The following KCNE2 variants were observed in gnomAD, a reference collection of about 807,000 sequenced individuals.
KCNE2 encodes the protein potassium voltage-gated channel subfamily E regulatory subunit 2.
In KCNE2, 4 loss-of-function variants were observed where a neutral mutation model predicts 4.5. The observed-to-expected ratio is 0.89, with a 90% CI of 0.44 to 2.03. The LOEUF is 2.03. Ranked by LOEUF, KCNE2 falls within the 30% of genes most tolerant of loss-of-function variation. KCNE2 has a pLI of 0.03. For missense variants in KCNE2, 137 were observed against 151.4 expected, an observed-to-expected ratio of 0.90 and a Z score of 0.50; for synonymous variants, 57 against 55.9, an observed-to-expected ratio of 1.02 and a Z score of -0.09.
At position 34,370,688 on chromosome 21, in the gene KCNE2, C is replaced by T; in HGVS notation, c.210C>T (p.Ser70=). The T allele has an allele frequency of 6.2e-7, 1 of 1,614,186 alleles. No homozygotes were observed. Among genetic ancestry groups the T allele is most frequent in the Non-Finnish European group, 8.5e-7 (1 of 1,180,022 alleles). The part of the protein sequence containing the change: ...FSFIIVAILV[S]TVKSKRREHS... ...TCATCATCGTGGCCATCCTGGTGAGCACTGTGAAATCCAAGAGACGGGAAC... is the reference window on the plus strand; with the variant it reads ...TCATCATCGTGGCCATCCTGGTGAGTACTGTGAAATCCAAGAGACGGGAAC... Residue 70 remains serine (S), a synonymous_variant, in exon 2 of 2, where the codon AGC becomes AGT. Transcript: ENST00000290310.
intron 1 of KCNE2, among the ~76,000 whole-genome samples, chr21:34,367,473 G>A: frequency 6.6e-6 from 1 of 152,236 alleles, no homozygotes; most frequent in East Asian, 1.9e-4. Flanking sequence ...ATACCCTGGG[G>A]CAATCTTATC....
At chr21:34,369,082 G>C (rs1979468613) in intron 1 of KCNE2, among the ~76,000 whole-genome samples, 1 of 152,168 alleles carries the variant, frequency 6.6e-6, no homozygotes. Flanking sequence ...TACTGACAGG[G>C]AGGGAAGATG....
chr21:34,370,176 A>G (rs1979513957), intron 1 of KCNE2, among the ~76,000 whole-genome samples: 1 of 152,246 alleles, frequency 6.6e-6, no homozygotes, highest in Non-Finnish European at 1.5e-5. Context: ...CTCCATTTTC[A>G]TATGTACACA....
intron 1 of KCNE2, among the ~76,000 whole-genome samples, chr21:34,366,948 C>T (rs1869597830): frequency 8.2e-6 from 1 of 121,734 alleles, no homozygotes; most frequent in Non-Finnish European, 1.6e-5. Context: ...CACTGCACTC[C>T]AGCCTGGGCA....
Position 34,370,566 on chromosome 21 carries a change from A to C in KCNE2, c.88A>C (p.Thr30Pro), listed in dbSNP as rs1307670975. 1 of 1,614,184 alleles carries C rather than the reference A, an allele frequency of 6.2e-7. No individual in the cohort carries two copies. The highest frequency in any genetic ancestry group is 1.1e-5 in the South Asian group (1 of 91,078). Residue 30 changes from threonine (T) to proline (P), a missense_variant, in exon 2 of 2, where the codon ACA (threonine) becomes CCA (proline). Thr to Pro is a conservative substitution (Grantham distance 38). Coordinates refer to ENST00000290310, the MANE Select transcript of KCNE2 (RefSeq NM_172201.2). ...ITYMDNWRQN[T>P]TAEQEALQAK... ...TTATATGGACAATTGGCGCCAGAAC[A>C]CAACAGCTGAGCAAGAGGCCCTCCA...
rs2123423704 is a variant in KCNE2, at chr21:34,370,584, G to A, written c.106G>A (p.Ala36Thr). The A allele has an allele frequency of 6.2e-7, 1 of 1,614,144 alleles. No homozygotes were observed. Among genetic ancestry groups the A allele is most frequent in the African/African-American group, 1.3e-5 (1 of 75,030 alleles). The change falls in exon 2 of 2, where the codon GCC becomes ACC. Residue 36 changes from alanine (A) to threonine (T), a missense_variant. By Grantham distance (58) the Ala-to-Thr change is moderately conservative (BLOSUM62 0). Coordinates refer to ENST00000290310, the MANE Select transcript of KCNE2 (RefSeq NM_172201.2). ...WRQNTTAEQEALQAKVDAENF... is the reference protein window; with the variant it reads ...WRQNTTAEQETLQAKVDAENF... ...CCAGAACACAACAGCTGAGCAAGAG[G>A]CCCTCCAAGCCAAAGTTGATGCTGA...
intron 1 of KCNE2, among the ~76,000 whole-genome samples, chr21:34,369,199 G>C (rs1042201979): frequency 6.6e-6 from 1 of 152,126 alleles, no homozygotes; most frequent in Non-Finnish European, 1.5e-5. Flanking sequence ...TTGATTTTAA[G>C]AACAACCATC....
intron 1 of KCNE2, among the ~76,000 whole-genome samples, chr21:34,368,229 A>AATATATATATAT (rs10596236): frequency 0.013 from 1,070 of 84,584 alleles, 15 homozygotes; most frequent in East Asian, 0.026. Flanking sequence ...ACACACACAC[A>AATATATATATAT]ATATATATAT....
intron 1 of KCNE2, among the ~76,000 whole-genome samples, chr21:34,366,746 A>G (rs982246850): frequency 1.7e-4 from 25 of 150,896 alleles, no homozygotes; most frequent in East Asian, 1.0e-3. Flanking sequence ...TTGGGAGGCC[A>G]AGGTGGGCGG....
Position 34,370,734 on chromosome 21 carries a change from C to A in KCNE2, c.256C>A (p.Gln86Lys). 1 of 1,614,164 alleles carries A rather than the reference C, an allele frequency of 6.2e-7. No homozygotes were observed. The highest frequency in any genetic ancestry group is 8.5e-7 in the Non-Finnish European group (1 of 1,180,030). The change falls in exon 2 of 2, where the codon CAG (glutamine) becomes AAG (lysine). Residue 86 changes from glutamine (Q) to lysine (K), a missense_variant. Gln to Lys is a moderately conservative substitution (Grantham distance 53). Coordinates refer to ENST00000290310, the MANE Select transcript of KCNE2 (RefSeq NM_172201.2). ...RREHSNDPYH[Q>K]YIVEDWQEKY... ...GGAACACTCCAATGACCCCTACCAC[C>A]AGTACATTGTAGAGGACTGGCAGGA...
At chr21:34,367,334 G>C (rs796990342) in intron 1 of KCNE2, among the ~76,000 whole-genome samples, 2 of 151,906 alleles carry the variant, frequency 1.3e-5, no homozygotes, top group Non-Finnish European at 2.9e-5. Context: ...AAAATAAAAG[G>C]GTAAAAGAGC....
rs910713308 is a variant in KCNE2 at position 34,366,851 on chromosome 21, T to C, written c.-13+2700T>C. Among the ~76,000 whole-genome samples the C allele has an allele frequency of 3.0e-4, 45 of 149,202 alleles. No homozygotes were observed. In the East Asian group the frequency reaches 4.1e-3, roughly 14 times the overall value. ...AAAATTAGCCGGGCTTCGTGGCGGG[T>C]GCCTGTAGACCCAGCTACTCAGGAG... On this transcript the variant is annotated intron_variant, in intron 1 of 1. Coordinates refer to ENST00000290310, the MANE Select transcript of KCNE2 (RefSeq NM_172201.2).
intron 1 of KCNE2, among the ~76,000 whole-genome samples, chr21:34,367,541 G>T (rs753518678): frequency 2.6e-5 from 4 of 152,176 alleles, no homozygotes; most frequent in Non-Finnish European, 5.9e-5. Context: ...GGGAGACAAA[G>T]ATCTTAGAGC....
Position 34,370,972 on chromosome 21 carries a change from T to G in KCNE2, c.*122T>G, listed in dbSNP as rs1979567553. On this transcript the variant is annotated 3_prime_UTR_variant, in exon 2 of 2. Transcript: ENST00000290310. ...TGAGTTCCTTGCTCTCTGTTGAGAA[T>G]TTTCATGGAGATTATGTGGTTGGCC... 8 of 1,250,094 alleles carry G rather than the reference T, an allele frequency of 6.4e-6. No homozygotes were observed. Among genetic ancestry groups the G allele is most frequent in the Admixed American group, 3.8e-5 (2 of 52,086 alleles). 77.4% of individuals were successfully genotyped at this position (1,250,094 alleles called of 1,614,324 possible).
chr21:34,366,775 C>G (rs548171536), intron 1 of KCNE2, among the ~76,000 whole-genome samples: 10 of 151,032 alleles, frequency 6.6e-5, no homozygotes, highest in Admixed American at 1.3e-4. Context: ...GTCAGGAGAT[C>G]GAGACCATCC....
chr21:34,368,250 A>G (rs1257955912), intron 1 of KCNE2, among the ~76,000 whole-genome samples: 1 of 103,998 alleles, frequency 9.6e-6, no homozygotes, highest in Admixed American at 9.3e-5. Context: ...ATATATATAT[A>G]TATATATATA....
At chr21:34,364,729 C>T (rs934279972) in intron 1 of KCNE2, among the ~76,000 whole-genome samples, 21 of 150,988 alleles carry the variant, frequency 1.4e-4, no homozygotes, top group African/African-American at 1.7e-4. Context: ...GCCGAGATCA[C>T]GCCACTGCAC....
chr21:34,368,223 ACACACAATAT>A (rs1374736363), intron 1 of KCNE2, among the ~76,000 whole-genome samples: 9 of 79,674 alleles, frequency 1.1e-4, no homozygotes, highest in African/African-American at 1.7e-4. Context: ...ACACACACAC[ACACACAATAT>A]ATATATATAT....
intron 1 of KCNE2, among the ~76,000 whole-genome samples, chr21:34,366,468 T>C (rs1242603741): frequency 6.6e-6 from 1 of 151,784 alleles, no homozygotes; most frequent in Admixed American, 6.6e-5. Context: ...ATTCACACCT[T>C]CATTCAACAG....
Sources: gnomAD v4.1 joint callset for allele counts (sites outside exome capture counted in the v4.1 genomes callset) on GRCh38, gnomAD v4.1.1 for gene constraint, MANE v1.5 for transcripts, NCBI Gene and HGNC (gene_info 2026-07-23, HGNC 2026-07-21) for gene names.